The following GAS2 variants were observed in gnomAD, a reference collection of about 807,000 sequenced individuals.
GAS2 encodes the protein growth arrest-specific protein 2.
In GAS2, 20 loss-of-function variants were observed where a neutral mutation model predicts 37.5. The ratio of observed to expected loss-of-function variants is 0.53; its 90% confidence interval spans 0.37 to 0.77. GAS2 has a LOEUF of 0.77. Among genes scored for constraint, GAS2 ranks in the 30% least tolerant of loss-of-function variants. The pLI, the probability that GAS2 is intolerant of heterozygous loss-of-function variation, is 0.00. For synonymous variants in GAS2, 144 were observed against 132.2 expected, an observed-to-expected ratio of 1.09 and a Z score of -0.61; for missense variants, 336 against 373.4, an observed-to-expected ratio of 0.90 and a Z score of 0.82.
At chr11:22,658,838 A>G (rs532385638) in intron 1 of GAS2, among the ~76,000 whole-genome samples, 2 of 152,306 alleles carry the variant, frequency 1.3e-5, no homozygotes, top group African/African-American at 4.8e-5. Context: ...AGGAGTTTGG[A>G]TCATAATCCT....
intron 5 of GAS2, among the ~76,000 whole-genome samples, chr11:22,742,867 A>G (rs1406937674): frequency 6.6e-6 from 1 of 152,138 alleles, no homozygotes; most frequent in Non-Finnish European, 1.5e-5. Context: ...ACCTACAATT[A>G]CAAATGAAAT....
At chr11:22,777,309 T>C (rs963660110) in intron 7 of GAS2, among the ~76,000 whole-genome samples, 4 of 152,290 alleles carry the variant, frequency 2.6e-5, no homozygotes, top group African/African-American at 9.6e-5. Flanking sequence ...TATAAGGAAC[T>C]GGATAGAAGC....
chr11:22,677,039 A>G (rs758678633), intron 2 of GAS2, among the ~76,000 whole-genome samples: 4 of 152,198 alleles, frequency 2.6e-5, no homozygotes, highest in Non-Finnish European at 4.4e-5. Flanking sequence ...GTACTAGAGG[A>G]TAGTGATTAA....
chr11:22,667,027 A>C (rs959790662), intron 1 of GAS2, 128 bp downstream of exon 1: 1 of 152,250 alleles, frequency 6.6e-6, no homozygotes, highest in Non-Finnish European at 1.5e-5. Flanking sequence ...AGAGGTCATT[A>C]AAAAATAACC....
At chr11:22,667,571 T>C (rs1354286575) in intron 1 of GAS2, among the ~76,000 whole-genome samples, 2 of 152,174 alleles carry the variant, frequency 1.3e-5, no homozygotes, top group African/African-American at 4.8e-5. Flanking sequence ...AAGTTGAGAC[T>C]GGAATCTGAA....
At chr11:22,718,122 A>G (rs1200057917) in intron 3 of GAS2, among the ~76,000 whole-genome samples, 1 of 152,178 alleles carries the variant, frequency 6.6e-6, no homozygotes, top group Non-Finnish European at 1.5e-5. Context: ...ACTACTGAGT[A>G]TCTACCCAGA....
chr11:22,808,350 C>T (rs1413890959), intron 7 of GAS2, among the ~76,000 whole-genome samples: 1 of 152,186 alleles, frequency 6.6e-6, no homozygotes, highest in African/African-American at 2.4e-5. Flanking sequence ...TGCTAATCCT[C>T]CCCTATTGAC....
upstream of GAS2, among the ~76,000 whole-genome samples, chr11:22,665,415 T>C (rs1848967568): frequency 6.6e-6 from 1 of 152,206 alleles, no homozygotes; most frequent in Non-Finnish European, 1.5e-5. Context: ...TCTGATCACA[T>C]TTTAAGAAAT....
At chr11:22,718,845 G>A (rs1347924993) in intron 3 of GAS2, among the ~76,000 whole-genome samples, 2 of 151,734 alleles carry the variant, frequency 1.3e-5, no homozygotes, top group Non-Finnish European at 2.9e-5. Flanking sequence ...TTAGTTGGGA[G>A]AAAAGAAGCT....
At chr11:22,665,004 CAA>C (rs67106131), upstream of GAS2, among the ~76,000 whole-genome samples, 60 of 150,226 alleles carry the variant, frequency 4.0e-4, no homozygotes, top group Admixed American at 1.1e-3. Context: ...AAATTTAAGA[CAA>C]AAAAAAAAAT....
chr11:22,704,731 A>T (rs1478356701), intron 3 of GAS2, among the ~76,000 whole-genome samples: 2 of 151,232 alleles, frequency 1.3e-5, no homozygotes. Flanking sequence ...CAAAACTCAG[A>T]ATAAATGGAT....
chr11:22,685,624 G>C lies in GAS2; in HGVS notation c.146-44G>C, dbSNP rs576672419. The C allele has an allele frequency of 3.3e-5, 53 of 1,592,940 alleles. No homozygotes were observed. The Middle Eastern group carries it at 8.4e-4, about 25-fold the overall frequency. ...CAAATATTTTATTTAGTGTGAATCTGACATTTGATTTTCCTTTTATAATGC... is the reference window on the plus strand; with the variant it reads ...CAAATATTTTATTTAGTGTGAATCTCACATTTGATTTTCCTTTTATAATGC... On this transcript the variant is annotated intron_variant, in intron 2 of 7. Transcript: ENST00000454584.
In GAS2 at chr11:22,685,774, T is replaced by C. The variant is rs202245308; in HGVS notation, c.252T>C (p.Ala84=). 8.1e-5 allele frequency: 131 copies of C among 1,613,100 alleles called. No individual in the cohort carries two copies. The highest frequency in any genetic ancestry group is 3.7e-4 in the Admixed American group (22 of 59,930). ...MQEKFKESMD[A]NKPTKNLPLK... is the part of the protein sequence containing the mutation. ...AGAAATTCAAGGAGAGCATGGATGC[T>C]AACAAGCCCACAAAGGTAAAAGATC... The change falls in exon 3 of 8, where the codon GCT becomes GCC. Residue 84 remains alanine (A), a synonymous_variant. Transcript: ENST00000454584.
At chr11:22,749,310 C>T in intron 6 of GAS2, 49 bp downstream of exon 6, 2 of 1,531,722 alleles carry the variant, frequency 1.3e-6, no homozygotes, top group Non-Finnish European at 1.8e-6. Flanking sequence ...CTTTCTTGCA[C>T]TACAAAACAT....
At chr11:22,703,106 C>T (rs1349532654) in intron 3 of GAS2, among the ~76,000 whole-genome samples, 1 of 152,150 alleles carries the variant, frequency 6.6e-6, no homozygotes, top group Non-Finnish European at 1.5e-5. Context: ...GAGGTTCACA[C>T]ACACATGCAC....
intron 3 of GAS2, 43 bp downstream of exon 3, chr11:22,685,832 A>G: frequency 6.3e-7 from 1 of 1,575,940 alleles, no homozygotes; most frequent in Non-Finnish European, 8.6e-7. Flanking sequence ...GTGGTAGATT[A>G]CATTTATAAT....
intron 3 of GAS2, among the ~76,000 whole-genome samples, chr11:22,706,428 C>A (rs1409954550): frequency 6.6e-6 from 1 of 152,064 alleles, no homozygotes; most frequent in Non-Finnish European, 1.5e-5. Context: ...TGGTGCACTG[C>A]ACCCACTAAC....
At chr11:22,649,884 A>C (rs1306790261) in intron 1 of GAS2, among the ~76,000 whole-genome samples, 2 of 151,738 alleles carry the variant, frequency 1.3e-5, no homozygotes, top group African/African-American at 4.8e-5. Context: ...GGATTCATTA[A>C]TTTTTTGAAG....
intron 4 of GAS2, among the ~76,000 whole-genome samples, chr11:22,736,975 T>C (rs1374684138): frequency 1.3e-5 from 2 of 152,180 alleles, no homozygotes; most frequent in African/African-American, 4.8e-5. Context: ...ACTGAATGTC[T>C]ATCAGTAAAG....
Sources: allele counts gnomAD v4.1 joint callset (sites outside exome capture counted in the v4.1 genomes callset), GRCh38; gene constraint gnomAD v4.1.1; transcripts MANE v1.5; gene names NCBI Gene and HGNC (gene_info 2026-07-23, HGNC 2026-07-21).